The following TRAPPC6B variants were observed in gnomAD, a reference collection of about 807,000 sequenced individuals.
TRAPPC6B encodes trafficking protein particle complex subunit 6B, also known as TRAPP complex subunit 6B.
A neutral mutation model predicts 24.7 loss-of-function variants in TRAPPC6B; 27 were observed. That is an observed-to-expected ratio of 1.09 (90% CI 0.81 to 1.51). The LOEUF is 1.51. Ranked by LOEUF, TRAPPC6B falls within the 40% of genes most tolerant of loss-of-function variation. TRAPPC6B has a pLI of 0.00. For missense variants in TRAPPC6B, 212 were observed against 190.8 expected (o/e 1.11, Z -0.66); for synonymous variants, 80 against 66.6 (o/e 1.20, Z -0.98).
intron 1 of TRAPPC6B, among the ~76,000 whole-genome samples, chr14:39,168,358 AAAGG>A (rs1049519817): frequency 6.6e-6 from 1 of 152,140 alleles, no homozygotes; most frequent in Non-Finnish European, 1.5e-5. Flanking sequence ...TCTAGAGGGA[AAAGG>A]AAGGCTAGCT....
At position 39,158,402 on chromosome 14, in the gene TRAPPC6B, C is replaced by A; in HGVS notation, c.150G>T (p.Arg50Ser). 2.6e-6 allele frequency: 4 copies of A among 1,527,808 alleles called. No homozygotes were observed. The highest frequency in any genetic ancestry group is 3.6e-6 in the Non-Finnish European group (4 of 1,122,362). 94.6% of individuals were successfully genotyped at this position (1,527,808 alleles called of 1,614,324 possible). ...TGAACCTTGCAGTATCTTTTGTAAA[C>A]CTAAAAAGATCAACTAGAAGTAATA... ...GFRVGQGLIE[R>S]FTKDTARFKD... Residue 50 changes from arginine (R) to serine (S), a missense_variant and splice_region_variant, in exon 3 of 6, where the codon AGG becomes AGT. Coordinates refer to ENST00000330149, the MANE Select transcript of TRAPPC6B (RefSeq NM_001079537.2).
intron 3 of TRAPPC6B, chr14:39,157,334 C>A: frequency 2.8e-6 from 1 of 359,876 alleles, no homozygotes; most frequent in Non-Finnish European, 5.4e-6. Flanking sequence ...CGCCAAATAG[C>A]TACTTAGCTG....
chr14:39,164,829 C>G (rs555580881), intron 1 of TRAPPC6B, among the ~76,000 whole-genome samples: 8 of 152,248 alleles, frequency 5.3e-5, no homozygotes, highest in African/African-American at 1.4e-4. Context: ...AGAGTGAGAT[C>G]CTGTCTCAAA....
chr14:39,158,483 T>C, intron 2 of TRAPPC6B, 81 bp from the exon 3 acceptor site: 1 of 817,050 alleles, frequency 1.2e-6, no homozygotes. Flanking sequence ...AATTTCCAAA[T>C]GCCAGAACAG....
At position 39,149,152 on chromosome 14, in the gene TRAPPC6B, T is replaced by C. The variant is rs2052887666; in HGVS notation, c.*1198A>G. On this transcript the variant is annotated 3_prime_UTR_variant, in exon 6 of 6. Coordinates refer to ENST00000330149, the MANE Select transcript of TRAPPC6B (RefSeq NM_001079537.2). Reference sequence around the variant, plus strand: ...ACCCTTCCATGAAAGGAAAATGGTATGCTTCTAACTTGAGTTTTCTTTAAT... The same window carrying C: ...ACCCTTCCATGAAAGGAAAATGGTACGCTTCTAACTTGAGTTTTCTTTAAT... 6.0e-6 allele frequency: 1 copy of C among 165,638 alleles called. No individual in the cohort carries two copies. Among genetic ancestry groups the C allele is most frequent in the South Asian group, 2.0e-4 (1 of 4,964 alleles). The allele number at this position is 165,638 out of a possible 1,614,324, so 10.3% of individuals were successfully genotyped here.
intron 4 of TRAPPC6B, among the ~76,000 whole-genome samples, chr14:39,152,320 T>C (rs2052925189): frequency 6.6e-6 from 1 of 152,318 alleles, no homozygotes; most frequent in East Asian, 1.9e-4. Flanking sequence ...CAACCAAGAA[T>C]CTTGACTTGT....
intron 5 of TRAPPC6B, 131 bp downstream of exon 5, chr14:39,151,615 T>C (rs1216657581): frequency 3.1e-6 from 2 of 652,382 alleles, no homozygotes; most frequent in Non-Finnish European, 5.2e-6. Flanking sequence ...ATTACTACAC[T>C]AAAGTGTTAC....
At position 39,161,042 on chromosome 14, in the gene TRAPPC6B, G is replaced by A. The variant is rs140342804; in HGVS notation, c.82-1492C>T. Among the ~76,000 whole-genome samples the A allele has an allele frequency of 3.1e-3, 468 of 152,296 alleles. 7 individuals carry two copies. Among genetic ancestry groups the A allele is most frequent in the Admixed American group, 0.014 (220 of 15,292 alleles). On this transcript the variant is annotated intron_variant, in intron 1 of 5. Transcript: ENST00000330149. ...AATGACAAGACTCCCCACCATTTGC[G>A]AATGTAAAAGAATTAATTTTTGAAT...
chr14:39,155,729 G>A (rs527691370), intron 3 of TRAPPC6B, among the ~76,000 whole-genome samples: 1 of 151,938 alleles, frequency 6.6e-6, no homozygotes, highest in East Asian at 1.9e-4. Flanking sequence ...TAGAGACAGG[G>A]TTTCACCACG....
Position 39,153,254 on chromosome 14 carries a change from G to GA in TRAPPC6B, c.351+956dup, listed in dbSNP as rs562297667. On this transcript the variant is annotated intron_variant, in intron 4 of 5. Coordinates refer to ENST00000330149, the MANE Select transcript of TRAPPC6B (RefSeq NM_001079537.2). ...TTGCAGTGAGTCTCACACTCTGTCCGAAAAAAAAAAAAAAGAGAGAAAATA... is the reference window on the plus strand; with the variant it reads ...TTGCAGTGAGTCTCACACTCTGTCCGAAAAAAAAAAAAAAAGAGAGAAAATA... Among the ~76,000 whole-genome samples the GA allele has an allele frequency of 1.9e-3, 218 of 114,304 alleles. 2 individuals carry two copies. Among genetic ancestry groups the GA allele is most frequent in the Admixed American group, 5.6e-3 (60 of 10,748 alleles). 75.0% of individuals were successfully genotyped at this position (114,304 alleles called of 152,430 possible).
At chr14:39,167,819 A>G (rs565726217) in intron 1 of TRAPPC6B, among the ~76,000 whole-genome samples, 25 of 152,214 alleles carry the variant, frequency 1.6e-4, no homozygotes, top group African/African-American at 6.0e-4. Flanking sequence ...TCTTAAAATT[A>G]TCAGGCCTGA....
intron 2 of TRAPPC6B, chr14:39,158,987 A>G (rs2053020573): frequency 6.6e-6 from 1 of 152,376 alleles, no homozygotes; most frequent in African/African-American, 2.4e-5. Flanking sequence ...CAAAAGAACA[A>G]AGAGCTGAGC....
At chr14:39,160,595 G>A (rs79429614) in intron 1 of TRAPPC6B, among the ~76,000 whole-genome samples, 2,116 of 131,104 alleles carry the variant, frequency 0.016, 55 homozygotes, top group African/African-American at 0.056. Context: ...GAAGAGAAGA[G>A]AAAGAAAAGA....
intron 1 of TRAPPC6B, among the ~76,000 whole-genome samples, chr14:39,163,978 T>C (rs1005821255): frequency 6.6e-6 from 1 of 150,886 alleles, no homozygotes; most frequent in Non-Finnish European, 1.5e-5. Flanking sequence ...ACCCCTGTGC[T>C]CCCAACCCCC....
chr14:39,167,115 T>C (rs1300916619), intron 1 of TRAPPC6B, among the ~76,000 whole-genome samples: 1 of 152,234 alleles, frequency 6.6e-6, no homozygotes, highest in Non-Finnish European at 1.5e-5. Flanking sequence ...GCCCTACTAC[T>C]TAATTTTGCT....
chr14:39,159,664 C>A, intron 1 of TRAPPC6B, 114 bp from the exon 2 acceptor site: 1 of 637,404 alleles, frequency 1.6e-6, no homozygotes, highest in Non-Finnish European at 2.4e-6. Flanking sequence ...TACTTTTTTC[C>A]CTGAAACAGT....
chr14:39,166,359 T>C (rs996302819), intron 1 of TRAPPC6B, among the ~76,000 whole-genome samples: 1 of 152,046 alleles, frequency 6.6e-6, no homozygotes, highest in Admixed American at 6.6e-5. Flanking sequence ...CCTAGGAACA[T>C]ATTTATTAGC....
intron 3 of TRAPPC6B, chr14:39,157,523 TG>T: frequency 5.1e-6 from 2 of 395,606 alleles, no homozygotes; most frequent in Non-Finnish European, 5.0e-6. Context: ...GCTCAGCTGG[TG>T]GTGACTGCAC....
chr14:39,152,539 A>C (rs1288067946), intron 4 of TRAPPC6B, among the ~76,000 whole-genome samples: 4 of 152,320 alleles, frequency 2.6e-5, no homozygotes, highest in Admixed American at 2.0e-4. Context: ...TCAACATACT[A>C]CATTATCTAC....
Sources: allele counts gnomAD v4.1 joint callset (sites outside exome capture counted in the v4.1 genomes callset), GRCh38; gene constraint gnomAD v4.1.1; transcripts MANE v1.5; gene names NCBI Gene and HGNC (gene_info 2026-07-23, HGNC 2026-07-21).